The following ANKIB1 variants were observed in gnomAD, a reference collection of about 807,000 sequenced individuals.
The protein encoded by ANKIB1 is ankyrin repeat and IBR domain containing 1.
Under a neutral mutation model 122.1 loss-of-function variants are expected in ANKIB1, and 43 were observed. That is an observed-to-expected ratio of 0.35 (90% CI 0.28 to 0.45). The LOEUF is 0.45. ANKIB1 is among the 20% of genes least tolerant of loss of function. The probability of loss-of-function intolerance (pLI) is 1.00; values close to 1 mark genes in which losing one functional copy is unlikely to be tolerated. For synonymous variants in ANKIB1, 390 were observed against 442.0 expected, an observed-to-expected ratio of 0.88 and a Z score of 1.48; for missense variants, 992 against 1,329.5, an observed-to-expected ratio of 0.75 and a Z score of 3.95.
chr7:92,378,463 G>A (rs1384761786), intron 11 of ANKIB1, among the ~76,000 whole-genome samples: 1 of 142,746 alleles, frequency 7.0e-6, no homozygotes, highest in African/African-American at 2.7e-5. Context: ...TTCTATAGCT[G>A]CTGAAAAGCT....
chr7:92,359,066 C>CT (rs1175803937), intron 9 of ANKIB1, among the ~76,000 whole-genome samples: 2 of 152,156 alleles, frequency 1.3e-5, no homozygotes, highest in Non-Finnish European at 2.9e-5. Flanking sequence ...TAAAGTGAAT[C>CT]TAACGTATCC....
intron 6 of ANKIB1, among the ~76,000 whole-genome samples, chr7:92,343,469 G>C (rs776752291): frequency 9.2e-5 from 14 of 152,048 alleles, no homozygotes; most frequent in Non-Finnish European, 1.5e-4. Context: ...TTTCCAAACA[G>C]AGAACTTAAA....
intron 1 of ANKIB1, among the ~76,000 whole-genome samples, chr7:92,281,852 G>A (rs550441059): frequency 5.3e-5 from 8 of 152,138 alleles, no homozygotes; most frequent in African/African-American, 1.9e-4. Flanking sequence ...GGGAATTGTT[G>A]TCTTTTAATA....
chr7:92,390,490 A>G (rs1433211551), intron 15 of ANKIB1, among the ~76,000 whole-genome samples: 1 of 152,220 alleles, frequency 6.6e-6, no homozygotes, highest in Non-Finnish European at 1.5e-5. Context: ...GCTGTTTACC[A>G]GTTTATTTTT....
At chr7:92,393,777 T>A (rs988090432) in intron 17 of ANKIB1, among the ~76,000 whole-genome samples, 1 of 152,146 alleles carries the variant, frequency 6.6e-6, no homozygotes, top group Non-Finnish European at 1.5e-5. Context: ...ACTAGGCTTT[T>A]ACGTAAACCT....
chr7:92,300,211 G>A (rs1802433513), intron 2 of ANKIB1, among the ~76,000 whole-genome samples: 1 of 152,158 alleles, frequency 6.6e-6, no homozygotes, highest in Admixed American at 6.5e-5. Flanking sequence ...TCCCTGTCAT[G>A]TGGTTATCAT....
chr7:92,363,740 CAG>C (rs954566942), intron 10 of ANKIB1, among the ~76,000 whole-genome samples: 6 of 152,326 alleles, frequency 3.9e-5, no homozygotes, highest in African/African-American at 1.4e-4. Context: ...TGTATTATAT[CAG>C]GGGATTTACC....
At chr7:92,321,587 C>G (rs908434908) in intron 4 of ANKIB1, among the ~76,000 whole-genome samples, 4 of 152,152 alleles carry the variant, frequency 2.6e-5, no homozygotes, top group Admixed American at 2.0e-4. Context: ...AATTATAACA[C>G]AGTAAATTTT....
chr7:92,381,535 C>T (rs531267719), intron 11 of ANKIB1, among the ~76,000 whole-genome samples: 3 of 152,282 alleles, frequency 2.0e-5, no homozygotes, highest in East Asian at 3.9e-4. Context: ...AGACTAACAG[C>T]GGATCTCTTG....
At position 92,288,888 on chromosome 7, in the gene ANKIB1, A is replaced by G. The variant is rs79368186; in HGVS notation, c.-90-6001A>G. Among the ~76,000 whole-genome samples, 6 of 152,316 alleles carry G rather than the reference A, an allele frequency of 3.9e-5. No homozygotes were observed. In the East Asian group the frequency reaches 1.2e-3, roughly 29 times the overall value. ...CTACTAACTAGAAACTGACAATTCC[A>G]ATTGCTGACCATGGTAACTCTGAAT... On this transcript the variant is annotated intron_variant, in intron 1 of 19. Transcript: ENST00000265742.
chr7:92,290,939 A>G (rs1160469770), intron 1 of ANKIB1, among the ~76,000 whole-genome samples: 1 of 152,148 alleles, frequency 6.6e-6, no homozygotes, highest in African/African-American at 2.4e-5. Context: ...AAGAATGACT[A>G]AGATCTTGCT....
chr7:92,339,922 G>T (rs752324003), intron 5 of ANKIB1, among the ~76,000 whole-genome samples: 3 of 141,706 alleles, frequency 2.1e-5, no homozygotes, highest in Non-Finnish European at 3.1e-5. Context: ...TTGGTTGGTT[G>T]TAGGGTTTTT....
chr7:92,254,952 T>C (rs1801404316), intron 1 of ANKIB1, among the ~76,000 whole-genome samples: 1 of 152,214 alleles, frequency 6.6e-6, no homozygotes, highest in Non-Finnish European at 1.5e-5. Context: ...CGTGCTGTTC[T>C]CATGATAGTG....
At chr7:92,288,357 CAT>C (rs1441722381) in intron 1 of ANKIB1, among the ~76,000 whole-genome samples, 2 of 152,106 alleles carry the variant, frequency 1.3e-5, no homozygotes, top group African/African-American at 4.8e-5. Context: ...TTACAGAAGA[CAT>C]AAATAGAAAT....
At chr7:92,384,839 G>A (rs992237187) in intron 11 of ANKIB1, among the ~76,000 whole-genome samples, 3 of 152,162 alleles carry the variant, frequency 2.0e-5, no homozygotes, top group African/African-American at 7.2e-5. Flanking sequence ...AGGACTTCAT[G>A]ACTAAAACAC....
intron 7 of ANKIB1, chr7:92,348,091 AT>A: frequency 2.8e-6 from 1 of 359,270 alleles, no homozygotes; most frequent in Non-Finnish European, 5.4e-6. Context: ...TTTTTATTAA[AT>A]TGTGTCTTGA....
At chr7:92,324,205 T>A (rs11971507) in intron 4 of ANKIB1, among the ~76,000 whole-genome samples, 78,449 of 152,108 alleles carry the variant, frequency 0.52, 21,065 homozygotes, top group African/African-American at 0.67. Context: ...TAAAGTGGTT[T>A]ATTTTATGTT....
intron 1 of ANKIB1, among the ~76,000 whole-genome samples, chr7:92,262,484 A>T (rs1487690096): frequency 1.3e-5 from 2 of 152,222 alleles, no homozygotes; most frequent in Non-Finnish European, 2.9e-5. Flanking sequence ...TGTATAGCAG[A>T]ATTTGATTAT....
chr7:92,363,040 T>C lies in ANKIB1; in HGVS notation c.1486+767T>C, dbSNP rs186471247. Among the ~76,000 whole-genome samples the C allele has an allele frequency of 2.2e-4, 33 of 151,992 alleles. No homozygotes were observed. In the East Asian group the frequency reaches 6.0e-3, roughly 28 times the overall value. On this transcript the variant is annotated intron_variant, in intron 10 of 19. Coordinates refer to ENST00000265742, the MANE Select transcript of ANKIB1 (RefSeq NM_019004.2). Reference sequence around the variant, plus strand: ...TCAAAAAATATAAGTGAAAATTAATTAGTTCTGGTCTTTAAAAAAAAAAAA... The same window carrying C: ...TCAAAAAATATAAGTGAAAATTAATCAGTTCTGGTCTTTAAAAAAAAAAAA...
Sources: gnomAD v4.1 joint callset for allele counts (sites outside exome capture counted in the v4.1 genomes callset) on GRCh38, gnomAD v4.1.1 for gene constraint, MANE v1.5 for transcripts, NCBI Gene and HGNC (gene_info 2026-07-23, HGNC 2026-07-21) for gene names.